The following FMN1 variants were observed in gnomAD, a reference collection of about 807,000 sequenced individuals.
FMN1 encodes the protein formin-1.
A neutral mutation model predicts 132.4 loss-of-function variants in FMN1; 110 were observed. That is an observed-to-expected ratio of 0.83 (90% CI 0.71 to 0.97). FMN1 has a LOEUF of 0.97. Among genes scored for constraint, FMN1 ranks in the 50% least tolerant of loss-of-function variants. The probability of loss-of-function intolerance (pLI) is 0.00; values close to 1 mark genes in which losing one functional copy is unlikely to be tolerated. For synonymous variants in FMN1, 722 were observed against 651.7 expected, an observed-to-expected ratio of 1.11 and a Z score of -1.64; for missense variants, 1,792 against 1,705.3, an observed-to-expected ratio of 1.05 and a Z score of -0.90.
At chr15:33,097,336 G>T (rs1372091173) in intron 4 of FMN1, among the ~76,000 whole-genome samples, 1 of 148,738 alleles carries the variant, frequency 6.7e-6, no homozygotes, top group Non-Finnish European at 1.5e-5. Context: ...GAGAGAGATG[G>T]GCTAAAAGGA....
At chr15:32,976,852 C>T (rs918563930) in intron 7 of FMN1, among the ~76,000 whole-genome samples, 3 of 152,114 alleles carry the variant, frequency 2.0e-5, no homozygotes, top group Non-Finnish European at 2.9e-5. Flanking sequence ...TGCTGATGCT[C>T]GAGAAACACA....
rs576735755 is a variant in FMN1 at position 33,188,319 on chromosome 15, G to A, written c.-197+5590C>T. ...CATGCTGCTGCACTCCAGCCTGGGCGACAGAGGGAGACTTTGTCTCAAAAA... is the reference window on the plus strand; with the variant it reads ...CATGCTGCTGCACTCCAGCCTGGGCAACAGAGGGAGACTTTGTCTCAAAAA... On this transcript the variant is annotated intron_variant, in intron 2 of 20. Transcript: ENST00000616417. Among the ~76,000 whole-genome samples the A allele has an allele frequency of 5.6e-4, 86 of 152,246 alleles. 1 individual carries two copies. The South Asian group carries it at 0.016, about 28-fold the overall frequency.
Position 33,009,650 on chromosome 15 carries a change from C to T in FMN1, c.2162-1575G>A, listed in dbSNP as rs547224734. Among the ~76,000 whole-genome samples the T allele has an allele frequency of 5.3e-5, 8 of 152,206 alleles. No homozygotes were observed. The South Asian group carries it at 1.0e-3, about 20-fold the overall frequency. On this transcript the variant is annotated intron_variant, in intron 6 of 20. Transcript: ENST00000616417. ...ATTATTCTAAGTCTTACTTTATCAA[C>T]TCATTTCATCTCCACAATAACCCTA...
intron 7 of FMN1, among the ~76,000 whole-genome samples, chr15:33,005,547 A>C (rs928324633): frequency 1.3e-5 from 2 of 152,196 alleles, no homozygotes; most frequent in African/African-American, 4.8e-5. Context: ...TAAGATCATA[A>C]GACTTTTGCA....
chr15:33,188,106 G>A (rs1362768909), intron 2 of FMN1, among the ~76,000 whole-genome samples: 2 of 152,004 alleles, frequency 1.3e-5, no homozygotes, highest in African/African-American at 4.8e-5. Context: ...AGGCCGAGGC[G>A]GGCAGATCAC....
intron 10 of FMN1, 25 bp from the exon 11 acceptor site, chr15:32,910,560 A>C: frequency 6.5e-7 from 1 of 1,544,878 alleles, no homozygotes; most frequent in Non-Finnish European, 8.8e-7. Context: ...AAAAGAAAAG[A>C]GGATAAGGGA....
intron 4 of FMN1, among the ~76,000 whole-genome samples, chr15:33,099,953 A>G (rs2141409536): frequency 6.6e-6 from 1 of 152,202 alleles, no homozygotes; most frequent in East Asian, 1.9e-4. Flanking sequence ...TTTTACTATT[A>G]TACCTAATAA....
At chr15:33,147,245 C>T (rs1356582312) in intron 4 of FMN1, among the ~76,000 whole-genome samples, 1 of 151,824 alleles carries the variant, frequency 6.6e-6, no homozygotes, top group Non-Finnish European at 1.5e-5. Flanking sequence ...TGATATAATA[C>T]TTGTAATCCA....
chr15:33,052,818 C>G (rs1449011626), intron 6 of FMN1, among the ~76,000 whole-genome samples: 3 of 152,178 alleles, frequency 2.0e-5, no homozygotes, highest in Non-Finnish European at 2.9e-5. Context: ...TTTATATACA[C>G]CTACCCTTTT....
chr15:33,056,728 AAT>A (rs1486034314), intron 6 of FMN1, among the ~76,000 whole-genome samples: 1 of 152,246 alleles, frequency 6.6e-6, no homozygotes, highest in Non-Finnish European at 1.5e-5. Flanking sequence ...GAACTGGATA[AAT>A]ATGTTGCAAT....
chr15:32,989,546 G>A (rs1023077245), intron 7 of FMN1, among the ~76,000 whole-genome samples: 1 of 152,104 alleles, frequency 6.6e-6, no homozygotes, highest in African/African-American at 2.4e-5. Flanking sequence ...GTGCAGTTTA[G>A]CCCCTTCACC....
At chr15:32,928,018 C>CTT (rs1296612505) in intron 9 of FMN1, among the ~76,000 whole-genome samples, 1 of 152,130 alleles carries the variant, frequency 6.6e-6, no homozygotes, top group Non-Finnish European at 1.5e-5. Context: ...TAGTTTGTTC[C>CTT]AATAAAGATG....
intron 3 of FMN1, among the ~76,000 whole-genome samples, chr15:33,160,542 C>T (rs1964847775): frequency 6.6e-6 from 1 of 152,004 alleles, no homozygotes; most frequent in African/African-American, 2.4e-5. Context: ...GGAAAAAGAG[C>T]AGTAAGTCCT....
chr15:33,117,277 G>GA (rs2039964792), intron 4 of FMN1, among the ~76,000 whole-genome samples: 1 of 152,116 alleles, frequency 6.6e-6, no homozygotes, highest in Non-Finnish European at 1.5e-5. Context: ...CAATAACAAC[G>GA]AAAGTATTTG....
intron 7 of FMN1, among the ~76,000 whole-genome samples, chr15:32,973,654 G>A (rs1049674585): frequency 8.0e-5 from 12 of 150,612 alleles, no homozygotes; most frequent in Admixed American, 5.3e-4. Context: ...TGTCTTGGTT[G>A]TGTTCATGAC....
chr15:32,997,781 A>G lies in FMN1; in HGVS notation c.2223+10233T>C, dbSNP rs559105120. ...CACTAAGAGCTCATCTTTCACTTAC[A>G]CTTCCAAAGCTGCTGCCCTTTCAAT... On this transcript the variant is annotated intron_variant, in intron 7 of 20. Transcript: ENST00000616417. Among the ~76,000 whole-genome samples the G allele has an allele frequency of 2.7e-4, 41 of 152,254 alleles. 1 individual carries two copies. The South Asian group carries it at 5.2e-3, about 19-fold the overall frequency.
chr15:33,057,041 G>A lies in FMN1; in HGVS notation c.2161+7916C>T, dbSNP rs376282540. On this transcript the variant is annotated intron_variant, in intron 6 of 20. Coordinates refer to ENST00000616417, the MANE Select transcript of FMN1 (RefSeq NM_001277313.2). ...AAATACAAATAAATTAGCCAGGCAC[G>A]GTGGCACACACTTGTAATCTCAGCT... Among the ~76,000 whole-genome samples the A allele has an allele frequency of 9.3e-4, 141 of 152,166 alleles. 1 individual carries two copies. The highest frequency in any genetic ancestry group is 3.2e-3 in the African/African-American group (133 of 41,518).
At chr15:33,019,241 A>T (rs769592038) in intron 6 of FMN1, among the ~76,000 whole-genome samples, 2 of 152,144 alleles carry the variant, frequency 1.3e-5, no homozygotes, top group Non-Finnish European at 2.9e-5. Context: ...TCCCCACTAG[A>T]TTAGCTAGAT....
chr15:33,037,813 CTAAGA>C (rs1343909594), intron 6 of FMN1, among the ~76,000 whole-genome samples: 1 of 152,204 alleles, frequency 6.6e-6, no homozygotes, highest in Non-Finnish European at 1.5e-5. Flanking sequence ...TAAACACTTA[CTAAGA>C]TTTTTCTGAA....
Sources: allele counts gnomAD v4.1 joint callset (sites outside exome capture counted in the v4.1 genomes callset), GRCh38; gene constraint gnomAD v4.1.1; transcripts MANE v1.5; gene names NCBI Gene and HGNC (gene_info 2026-07-23, HGNC 2026-07-21).